Variants in KIF7 observed in about 807,000 individuals in gnomAD.
KIF7 encodes the protein kinesin-like protein KIF7.
In KIF7, 104 loss-of-function variants were observed where a neutral mutation model predicts 135.7. The observed-to-expected ratio is 0.77, with a 90% CI of 0.65 to 0.90. The LOEUF (loss-of-function observed/expected upper bound fraction) is 0.90, where lower values mean the gene tolerates loss of function less well. Among genes scored for constraint, KIF7 ranks in the 40% least tolerant of loss-of-function variants. KIF7 has a pLI of 0.00. For missense variants in KIF7, 2,005 were observed against 1,839.1 expected, an observed-to-expected ratio of 1.09 and a Z score of -1.65; for synonymous variants, 883 against 809.4, an observed-to-expected ratio of 1.09 and a Z score of -1.54.
At position 89,645,051 on chromosome 15, in the gene KIF7, C is replaced by G. The variant is rs138021610; in HGVS notation, c.2153G>C (p.Arg718Pro). The change falls in exon 10 of 19, where the codon CGC becomes CCC. Residue 718 changes from arginine to proline, a missense_variant. Coordinates refer to ENST00000394412, the MANE Select transcript of KIF7 (RefSeq NM_198525.3). Reference sequence around the variant, plus strand: ...CTCGCCAATAAGCTCCTCCTTCATGCGGATGTTGATAGCCAGCTCCCGGAT... The same window carrying G: ...CTCGCCAATAAGCTCCTCCTTCATGGGGATGTTGATAGCCAGCTCCCGGAT... ...QKIRELAINIRMKEELIGELV... is the reference protein window; with the variant it reads ...QKIRELAINIPMKEELIGELV... 8.9e-5 allele frequency: 143 copies of G among 1,607,200 alleles called. No homozygotes were observed. Among genetic ancestry groups the G allele is most frequent in the Non-Finnish European group, 1.2e-4 (140 of 1,179,998 alleles).
Position 89,642,359 on chromosome 15 carries a change from C to A in KIF7, c.2238G>T (p.Arg746=). The stretch of plus-strand genomic sequence containing the variant: ...CCTGCTCTGCCTCCTGCTCCAGCTC[C>A]CGGATACGCTGGCTGTGCTGGCGGT... ...ALNRQHSQRI[R]ELEQEAEQVR... Residue 746 remains arginine (R), a synonymous_variant, in exon 11 of 19, where the codon CGG becomes CGT. Coordinates refer to ENST00000394412, the MANE Select transcript of KIF7 (RefSeq NM_198525.3). 3 of 1,610,178 alleles carry A rather than the reference C, an allele frequency of 1.9e-6. No homozygotes were observed. In the African/African-American group the frequency reaches 4.0e-5, roughly 21 times the overall value.
At chr15:89,644,439 C>A (rs1216243857) in intron 10 of KIF7, among the ~76,000 whole-genome samples, 2 of 151,872 alleles carry the variant, frequency 1.3e-5, no homozygotes, top group Non-Finnish European at 2.9e-5. Flanking sequence ...CTTGTGGACA[C>A]TGAGGCGGGT....
chr15:89,636,566 T>A (rs1312670354), intron 11 of KIF7, among the ~76,000 whole-genome samples: 23 of 86,792 alleles, frequency 2.7e-4, no homozygotes, highest in Non-Finnish European at 4.8e-4. Flanking sequence ...CCAACAAAGA[T>A]CAAAAGAGAC....
intron 11 of KIF7, among the ~76,000 whole-genome samples, chr15:89,634,742 G>C (rs192714186): frequency 0.028 from 4,301 of 152,326 alleles, 199 homozygotes; most frequent in African/African-American, 0.098. Flanking sequence ...TGGCAGCGAG[G>C]CTGGGGGAGG....
At chr15:89,650,497 G>A (rs916043817) in intron 2 of KIF7, among the ~76,000 whole-genome samples, 5 of 152,144 alleles carry the variant, frequency 3.3e-5, no homozygotes, top group East Asian at 1.9e-4. Context: ...GGTTTCAAGC[G>A]CTTCTCCTGC....
Position 89,632,972 on chromosome 15 carries a change from G to A in KIF7, c.2743C>T (p.Leu915=). Residue 915 remains leucine, a synonymous_variant, in exon 14 of 19, where the codon CTG becomes TTG. Transcript: ENST00000394412. The stretch of plus-strand genomic sequence containing the variant: ...AGCACCTTCTCCATCTCCTGGTCCA[G>A]CCACTTCTTCTGCTCCTCAATCTTC... The part of the protein sequence containing the change: ...QQKIEEQKKW[L]DQEMEKVLQQ... 3 of 1,341,366 alleles carry A rather than the reference G, an allele frequency of 2.2e-6. No homozygotes were observed. Among genetic ancestry groups the A allele is most frequent in the Non-Finnish European group, 3.0e-6 (3 of 1,015,814 alleles). The allele number at this position is 1,341,366 out of a possible 1,614,324, so 83.1% of individuals were successfully genotyped here. A position where few individuals can be genotyped will look rare whatever the true frequency, so the allele number is the denominator to read the frequency against.
intron 2 of KIF7, among the ~76,000 whole-genome samples, chr15:89,652,014 A>T (rs1248575593): frequency 6.6e-6 from 1 of 152,172 alleles, no homozygotes; most frequent in Non-Finnish European, 1.5e-5. Context: ...AACTGTGAGG[A>T]ATAAATTTCT....
downstream of KIF7, chr15:89,624,118 C>G: frequency 1.2e-6 from 2 of 1,613,948 alleles, no homozygotes; most frequent in Non-Finnish European, 1.7e-6. Context: ...CCAACAGCCC[C>G]ATGTCCTCAG....
chr15:89,625,897 G>T (rs1383596145), downstream of KIF7: 4 of 1,545,024 alleles, frequency 2.6e-6, no homozygotes, highest in African/African-American at 4.1e-5. Context: ...CCGGTTGGGG[G>T]TCTGGGGACG....
chr15:89,626,806 G>C (rs1262644046), downstream of KIF7: 2 of 831,286 alleles, frequency 2.4e-6, no homozygotes, highest in Non-Finnish European at 3.8e-6. Context: ...AAAAAGTGTA[G>C]GTACCATTTC....
chr15:89,627,165 C>G, downstream of KIF7: 1 of 1,565,488 alleles, frequency 6.4e-7, no homozygotes, highest in Non-Finnish European at 8.7e-7. Flanking sequence ...TGCCTGGTCC[C>G]AAGCCTCTTT....
At chr15:89,638,576 C>G (rs1485782298) in intron 11 of KIF7, among the ~76,000 whole-genome samples, 4 of 147,146 alleles carry the variant, frequency 2.7e-5, no homozygotes, top group African/African-American at 1.1e-4. Flanking sequence ...ACCTAGGAAT[C>G]CAACTTACAA....
At chr15:89,636,180 G>C (rs1438630607) in intron 11 of KIF7, among the ~76,000 whole-genome samples, 1 of 151,876 alleles carries the variant, frequency 6.6e-6, no homozygotes, top group Non-Finnish European at 1.5e-5. Flanking sequence ...TGAAGGAAGC[G>C]CTAAACATGG....
intron 11 of KIF7, among the ~76,000 whole-genome samples, chr15:89,636,631 A>G (rs1009471988): frequency 4.2e-5 from 4 of 94,636 alleles, no homozygotes; most frequent in Admixed American, 3.1e-4. Context: ...AGAGCTAACT[A>G]TCCTAAATAT....
rs865904887 is a variant in KIF7 at position 89,628,394 on chromosome 15, C to T, written c.*25G>A. ...CTTTCAGCAGGCTCGGAGTCTCCCTCCAAGGCAGGGTCTGCCCCGAGGGCT... is the reference window on the plus strand; with the variant it reads ...CTTTCAGCAGGCTCGGAGTCTCCCTTCAAGGCAGGGTCTGCCCCGAGGGCT... On this transcript the variant is annotated 3_prime_UTR_variant, in exon 19 of 19. Coordinates refer to ENST00000394412, the MANE Select transcript of KIF7 (RefSeq NM_198525.3). The T allele has an allele frequency of 8.8e-6, 14 of 1,586,586 alleles. No homozygotes were observed. The African/African-American group carries it at 9.4e-5, about 11-fold the overall frequency.
chr15:89,645,788 G>A, intron 8 of KIF7, 105 bp downstream of exon 8: 7 of 1,457,202 alleles, frequency 4.8e-6, no homozygotes, highest in Non-Finnish European at 6.5e-6. Flanking sequence ...AGGACCCAGA[G>A]GCTTCCCCAC....
At chr15:89,618,936 C>A (rs1290822382) in intron 1 of KIF7, among the ~76,000 whole-genome samples, 1 of 152,084 alleles carries the variant, frequency 6.6e-6, no homozygotes, top group South Asian at 2.1e-4. Flanking sequence ...TCCAGCCTAG[C>A]GACAGAGCAA....
chr15:89,645,517 C>A, intron 8 of KIF7, 66 bp from the exon 9 acceptor site: 1 of 1,315,570 alleles, frequency 7.6e-7, no homozygotes. Flanking sequence ...CACCCCCAGG[C>A]CTGGAGGGAA....
At chr15:89,625,113 C>T (rs1963495369), downstream of KIF7, 1 of 1,613,698 alleles carries the variant, frequency 6.2e-7, no homozygotes, top group South Asian at 1.1e-5. Flanking sequence ...AAGAGAGCTT[C>T]CTCCCTGCTC....
Sources: allele counts gnomAD v4.1 joint callset (sites outside exome capture counted in the v4.1 genomes callset), GRCh38; gene constraint gnomAD v4.1.1; transcripts MANE v1.5; gene names NCBI Gene and HGNC (gene_info 2026-07-23, HGNC 2026-07-21).